The following FKBP1B variants were observed in gnomAD, a reference collection of about 807,000 sequenced individuals.
The protein encoded by FKBP1B is FKBP prolyl isomerase 1B.
FKBP1B carries 4 observed loss-of-function variants against 13.5 expected under a neutral mutation model. The observed-to-expected ratio is 0.30, with a 90% confidence interval of 0.15 to 0.68. The LOEUF is 0.68. Among genes scored for constraint, FKBP1B ranks in the 30% least tolerant of loss-of-function variants. FKBP1B has a pLI of 0.76. For missense variants in FKBP1B, 93 were observed against 136.2 expected, an observed-to-expected ratio of 0.68 and a Z score of 1.58; for synonymous variants, 54 against 53.6, an observed-to-expected ratio of 1.01 and a Z score of -0.03.
the FKBP1B span, among the ~76,000 whole-genome samples, chr2:24,037,315 G>A: frequency 1.3e-5 from 2 of 152,232 alleles, no homozygotes; most frequent in Non-Finnish European, 2.9e-5. Flanking sequence ...GAGCCATGGA[G>A]CCCAGCAACA....
chr2:24,036,007 T>TGCAGCGA, the FKBP1B span, among the ~76,000 whole-genome samples: 4 of 150,658 alleles, frequency 2.7e-5, no homozygotes, highest in East Asian at 7.9e-4. Flanking sequence ...AGTTGGAGGT[T>TGCAGCGA]GCAGCGAGCT....
intron 1 of FKBP1B, among the ~76,000 whole-genome samples, chr2:24,051,602 C>T (rs1234682219): frequency 2.0e-5 from 3 of 152,206 alleles, no homozygotes; most frequent in Non-Finnish European, 4.4e-5. Flanking sequence ...TAAGGTGACA[C>T]AGTTGAAACA....
At chr2:24,043,595 A>G in the FKBP1B span, among the ~76,000 whole-genome samples, 4 of 152,204 alleles carry the variant, frequency 2.6e-5, no homozygotes, top group African/African-American at 7.2e-5. Context: ...AACTGGCAGT[A>G]CTCATATTTT....
At chr2:24,048,152 A>G (rs1025956260), upstream of FKBP1B, among the ~76,000 whole-genome samples, 2 of 151,922 alleles carry the variant, frequency 1.3e-5, no homozygotes, top group African/African-American at 4.8e-5. Context: ...TCTTCACATC[A>G]GTTTTTATGT....
rs1174826549 is a variant in FKBP1B, at chr2:24,050,312, G to T, written c.37+426G>T. The stretch of plus-strand genomic sequence containing the variant: ...CTGCTCGGGGACCTCCTCCTAGCGC[G>T]TCCCCCGCCGGGCCTCCCCTCGGTC... On this transcript the variant is annotated intron_variant, in intron 1 of 3. Coordinates refer to ENST00000380986, the MANE Select transcript of FKBP1B (RefSeq NM_004116.5). This position sits in a 1 kb window ranked among gnomAD's most constrained non-coding sequence, Gnocchi z 5.8. Among the ~76,000 whole-genome samples, 1 of 152,160 alleles carries T rather than the reference G, an allele frequency of 6.6e-6. No homozygotes were observed. The highest frequency in any genetic ancestry group is 2.1e-4 in the South Asian group (1 of 4,834).
At chr2:24,057,721 T>G (rs1396931593) in intron 2 of FKBP1B, among the ~76,000 whole-genome samples, 1 of 151,976 alleles carries the variant, frequency 6.6e-6, no homozygotes, top group Non-Finnish European at 1.5e-5. Context: ...CTCCCTATGT[T>G]GCCCAGGATG....
At chr2:24,039,874 T>G in the FKBP1B span, among the ~76,000 whole-genome samples, 1 of 152,160 alleles carries the variant, frequency 6.6e-6, no homozygotes, top group Non-Finnish European at 1.5e-5. Flanking sequence ...CTCGGCGCAC[T>G]TCAACCTCTG....
the FKBP1B span, chr2:24,039,225 C>G: frequency 1.2e-6 from 2 of 1,614,242 alleles, no homozygotes; most frequent in South Asian, 2.2e-5. Flanking sequence ...GGCTGGGACA[C>G]AGCTGCCACA....
In FKBP1B at chr2:24,063,286, G is replaced by C; in HGVS notation, c.*94G>C. On this transcript the variant is annotated 3_prime_UTR_variant, in exon 4 of 4. Coordinates refer to ENST00000380986, the MANE Select transcript of FKBP1B (RefSeq NM_004116.5). ...GACGGCTCCTGCTTTTGGGGCTCTT[G>C]ATCAGTGTGCTAACCTCACTGCCTC... is the stretch of plus-strand genomic sequence containing the variant. 7.9e-7 allele frequency: 1 copy of C among 1,266,714 alleles called. No homozygotes were observed. Among genetic ancestry groups the C allele is most frequent in the East Asian group, 2.5e-5 (1 of 40,042 alleles). The allele number at this position is 1,266,714 out of a possible 1,614,324, so 78.5% of individuals were successfully genotyped here. A position where few individuals can be genotyped will look rare whatever the true frequency, so the allele number is the denominator to read the frequency against.
the FKBP1B span, among the ~76,000 whole-genome samples, chr2:24,042,128 G>A: frequency 6.6e-6 from 1 of 152,010 alleles, no homozygotes; most frequent in African/African-American, 2.4e-5. Flanking sequence ...AAGCCTGGGT[G>A]TGGCAGCTCA....
upstream of FKBP1B, among the ~76,000 whole-genome samples, chr2:24,048,019 C>G (rs1268734024): frequency 6.6e-6 from 1 of 152,124 alleles, no homozygotes; most frequent in Non-Finnish European, 1.5e-5. Flanking sequence ...CATCTGGGAC[C>G]TAAGCATCCG....
At chr2:24,037,831 TAA>T in the FKBP1B span, 1 of 1,614,208 alleles carries the variant, frequency 6.2e-7, no homozygotes. Context: ...AGACAGCTGA[TAA>T]GTTTCCTTTT....
the FKBP1B span, among the ~76,000 whole-genome samples, chr2:24,037,311 T>C: frequency 1.3e-5 from 2 of 152,346 alleles, no homozygotes; most frequent in South Asian, 4.1e-4. Context: ...GCGTGAGCCA[T>C]GGAGCCCAGC....
intron 1 of FKBP1B, 51 bp from the exon 2 acceptor site, chr2:24,053,851 G>A (rs367598075): frequency 1.9e-6 from 3 of 1,545,464 alleles, no homozygotes; most frequent in East Asian, 2.2e-5. Context: ...TAATGTCCCA[G>A]GTGTTTTTCC....
At chr2:24,037,914 G>A in the FKBP1B span, 1 of 1,614,146 alleles carries the variant, frequency 6.2e-7, no homozygotes, top group Non-Finnish European at 8.5e-7. Context: ...GTGTGCTGCT[G>A]TGTCTGGGCA....
intron 1 of FKBP1B, among the ~76,000 whole-genome samples, chr2:24,051,895 C>T (rs1457585468): frequency 6.6e-6 from 1 of 152,104 alleles, no homozygotes; most frequent in Non-Finnish European, 1.5e-5. Flanking sequence ...CAAATTTATA[C>T]CTCCAGTGCA....
At chr2:24,062,527 G>A (rs978588877) in intron 3 of FKBP1B, among the ~76,000 whole-genome samples, 1 of 151,982 alleles carries the variant, frequency 6.6e-6, no homozygotes, top group Non-Finnish European at 1.5e-5. Context: ...TAGCCAGGCT[G>A]GTCTTGAACT....
At chr2:24,038,324 TCC>T in the FKBP1B span, 1 of 1,614,118 alleles carries the variant, frequency 6.2e-7, no homozygotes, top group Non-Finnish European at 8.5e-7. Context: ...AAGAAACATA[TCC>T]CTTTTGGTCT....
At chr2:24,044,291 GCA>G in the FKBP1B span, among the ~76,000 whole-genome samples, 3 of 151,564 alleles carry the variant, frequency 2.0e-5, no homozygotes, top group Non-Finnish European at 4.4e-5. Flanking sequence ...GGGCGTGGGG[GCA>G]CAGTCTTGCT....
Sources: gnomAD v4.1 joint callset for allele counts (sites outside exome capture counted in the v4.1 genomes callset) on GRCh38, gnomAD v4.1.1 for gene constraint, Gnocchi (gnomAD v3.1) non-coding constraint, MANE v1.5 for transcripts, NCBI Gene and HGNC (gene_info 2026-07-23, HGNC 2026-07-21) for gene names.